The following LINGO2 variants were observed in gnomAD, a reference collection of about 807,000 sequenced individuals.
LINGO2 encodes leucine rich repeat and Ig domain containing 2.
In LINGO2, 14 loss-of-function variants were observed where a neutral mutation model predicts 30.6. The ratio of observed to expected loss-of-function variants is 0.46; its 90% CI spans 0.30 to 0.72. The LOEUF is 0.72. Ranked by LOEUF, LINGO2 falls within the 30% of genes least tolerant of loss-of-function variation. The pLI, the probability that LINGO2 is intolerant of heterozygous loss-of-function variation, is 0.07. For missense variants in LINGO2, 729 were observed against 751.7 expected, an observed-to-expected ratio of 0.97 and a Z score of 0.35; for synonymous variants, 317 against 288.5, an observed-to-expected ratio of 1.10 and a Z score of -1.00.
At chr9:28,103,211 A>T (rs1826469001) in intron 4 of LINGO2, among the ~76,000 whole-genome samples, 1 of 152,166 alleles carries the variant, frequency 6.6e-6, no homozygotes, top group Non-Finnish European at 1.5e-5. Context: ...ATTTTTATGG[A>T]AAGTTGAAAA....
chr9:28,280,933 G>C (rs1177903255), intron 4 of LINGO2, among the ~76,000 whole-genome samples: 1 of 152,090 alleles, frequency 6.6e-6, no homozygotes, highest in African/African-American at 2.4e-5. Flanking sequence ...TTCTTATGTA[G>C]CAACAACCCT....
the LINGO2 span, among the ~76,000 whole-genome samples, chr9:28,704,396 A>AT: frequency 3.9e-4 from 57 of 147,694 alleles, 1 homozygote; most frequent in East Asian, 1.2e-3. Flanking sequence ...TTTTTATTGG[A>AT]TTTTTTTTTT....
the LINGO2 span, among the ~76,000 whole-genome samples, chr9:28,861,287 A>G: frequency 8.0e-6 from 1 of 124,694 alleles, no homozygotes; most frequent in Non-Finnish European, 1.6e-5. Context: ...TATATATTAT[A>G]TATTTTATAT....
At chr9:28,343,636 T>C (rs199849631) in intron 3 of LINGO2, among the ~76,000 whole-genome samples, 2 of 152,126 alleles carry the variant, frequency 1.3e-5, no homozygotes, top group African/African-American at 4.8e-5. Flanking sequence ...GGAAAAAACA[T>C]CCATATTCTT....
At chr9:29,212,112 G>T in the LINGO2 span, among the ~76,000 whole-genome samples, 83 of 152,286 alleles carry the variant, frequency 5.5e-4, no homozygotes, top group African/African-American at 2.0e-3. Context: ...CCCTCAGGGT[G>T]CGGGTCAGGA....
At chr9:28,566,996 A>G (rs1286783244) in intron 1 of LINGO2, among the ~76,000 whole-genome samples, 6 of 152,300 alleles carry the variant, frequency 3.9e-5, no homozygotes. Flanking sequence ...AGTAATGTTC[A>G]GTAAATGCAA....
chr9:28,735,418 A>T, the LINGO2 span, among the ~76,000 whole-genome samples: 40,505 of 152,048 alleles, frequency 0.27, 5,676 homozygotes, highest in Admixed American at 0.39. Context: ...ACATTTGCTG[A>T]TGCTTTATCA....
chr9:28,415,376 T>C (rs544215593), intron 2 of LINGO2, among the ~76,000 whole-genome samples: 76 of 152,298 alleles, frequency 5.0e-4, no homozygotes, highest in South Asian at 1.0e-3. Flanking sequence ...ATATTTTAAA[T>C]GACGTCTGGA....
chr9:28,218,862 T>C (rs571164345), intron 4 of LINGO2, among the ~76,000 whole-genome samples: 4 of 152,292 alleles, frequency 2.6e-5, no homozygotes, highest in South Asian at 4.1e-4. Context: ...CTCCATTCCA[T>C]AGCAAATAGC....
At chr9:28,273,824 C>G (rs529079553) in intron 4 of LINGO2, among the ~76,000 whole-genome samples, 1 of 152,194 alleles carries the variant, frequency 6.6e-6, no homozygotes, top group African/African-American at 2.4e-5. Context: ...TGAAGAAAAC[C>G]TTGTAATCTT....
intron 1 of LINGO2, among the ~76,000 whole-genome samples, chr9:28,496,218 T>C (rs139301846): frequency 0.016 from 2,397 of 152,230 alleles, 63 homozygotes; most frequent in African/African-American, 0.054. Context: ...ATATCCTTTC[T>C]AACTTTCTGT....
the LINGO2 span, among the ~76,000 whole-genome samples, chr9:28,996,343 G>C: frequency 6.6e-6 from 1 of 152,258 alleles, no homozygotes; most frequent in Non-Finnish European, 1.5e-5. Context: ...TTAAACAGTA[G>C]AGAATGTTGA....
intron 4 of LINGO2, among the ~76,000 whole-genome samples, chr9:28,042,158 A>T (rs1026159191): frequency 2.0e-5 from 3 of 152,216 alleles, no homozygotes; most frequent in Admixed American, 2.0e-4. Flanking sequence ...CCGATGAGTC[A>T]GGATCTACAT....
intron 3 of LINGO2, among the ~76,000 whole-genome samples, chr9:28,351,456 G>T (rs1341326649): frequency 6.6e-6 from 1 of 151,594 alleles, no homozygotes; most frequent in African/African-American, 2.4e-5. Flanking sequence ...CCAGGAAGAA[G>T]TTGAATCCCT....
the LINGO2 span, among the ~76,000 whole-genome samples, chr9:28,959,187 G>A: frequency 7.3e-6 from 1 of 136,496 alleles, no homozygotes; most frequent in Non-Finnish European, 1.6e-5. Context: ...GATTGGAAAT[G>A]AGAAATAAAC....
the LINGO2 span, among the ~76,000 whole-genome samples, chr9:29,043,333 T>G: frequency 1.3e-5 from 2 of 152,000 alleles, no homozygotes; most frequent in Non-Finnish European, 2.9e-5. Flanking sequence ...CTTATGAAAG[T>G]AACTTAGAAT....
intron 2 of LINGO2, among the ~76,000 whole-genome samples, chr9:28,399,508 T>C (rs1279759963): frequency 1.3e-5 from 2 of 151,854 alleles, no homozygotes; most frequent in African/African-American, 4.8e-5. Flanking sequence ...TGATGAGAAA[T>C]AGAAACATAG....
chr9:28,430,055 C>T (rs1287602408), intron 2 of LINGO2, among the ~76,000 whole-genome samples: 7 of 151,908 alleles, frequency 4.6e-5, no homozygotes, highest in African/African-American at 1.7e-4. Context: ...CATAAGTAAT[C>T]CCTAAGATGG....
At chr9:28,126,785 C>T (rs1226097210) in intron 4 of LINGO2, among the ~76,000 whole-genome samples, 1 of 152,158 alleles carries the variant, frequency 6.6e-6, no homozygotes, top group African/African-American at 2.4e-5. Context: ...TCAGGTGTTA[C>T]ATTTGTTTAT....
Sources: gnomAD v4.1 joint callset for allele counts (sites outside exome capture counted in the v4.1 genomes callset) on GRCh38, gnomAD v4.1.1 for gene constraint, MANE v1.5 for transcripts, NCBI Gene and HGNC (gene_info 2026-07-23, HGNC 2026-07-21) for gene names.